SHISA7: variants seen among roughly 807,000 people sequenced by gnomAD.
The protein encoded by SHISA7 is shisa family member 7, also known as protein shisa-7.
A neutral mutation model predicts 23.9 loss-of-function variants in SHISA7; 6 were observed. That is an observed-to-expected ratio of 0.25 (90% CI 0.14 to 0.50). SHISA7 has a LOEUF of 0.50. SHISA7 is among the 20% of genes least tolerant of loss of function. The probability of loss-of-function intolerance (pLI) is 0.98; values close to 1 mark genes in which losing one functional copy is unlikely to be tolerated. For missense variants in SHISA7, 671 were observed against 801.1 expected, an observed-to-expected ratio of 0.84 and a Z score of 1.96; for synonymous variants, 386 against 398.3, an observed-to-expected ratio of 0.97 and a Z score of 0.37.
At chr19:55,438,872 C>CT (rs1359969589) in intron 2 of SHISA7, among the ~76,000 whole-genome samples, 2 of 125,230 alleles carry the variant, frequency 1.6e-5, no homozygotes. Context: ...TTCTTAGCAC[C>CT]CCCCCCCCTG....
At chr19:55,436,486 C>T (rs1985463314) in intron 3 of SHISA7, among the ~76,000 whole-genome samples, 2 of 151,646 alleles carry the variant, frequency 1.3e-5, no homozygotes, top group Non-Finnish European at 2.9e-5. Context: ...GCCTGTAATC[C>T]CAGCTACTCA....
rs561285922 is a variant in SHISA7, at chr19:55,432,973, C to T, written c.*183G>A. On this transcript the variant is annotated 3_prime_UTR_variant, in exon 4 of 4. Transcript: ENST00000376325. The surrounding 1 kb of genome is among the most constrained non-coding windows in gnomAD (Gnocchi z 4.6). ...TGACATCATGGGAAGGAGGCCTTGG[C>T]TCAAGCAGTGAAGTAATAGGAGGAG... The T allele has an allele frequency of 2.7e-6, 2 of 748,804 alleles. No individual in the cohort carries two copies. The highest frequency in any genetic ancestry group is 6.8e-5 in the East Asian group (2 of 29,366). The allele number at this position is 748,804 out of a possible 1,614,324, so 46.4% of individuals were successfully genotyped here.
intron 3 of SHISA7, among the ~76,000 whole-genome samples, chr19:55,434,970 G>T (rs893761971): frequency 1.9e-5 from 2 of 103,518 alleles, no homozygotes; most frequent in African/African-American, 7.5e-5. Context: ...GGTGTGTGTG[G>T]TGTGTGTGGA....
In SHISA7 at chr19:55,434,746, G is replaced by GGT. The variant is rs571748701; in HGVS notation, c.977-952_977-951dup. Among the ~76,000 whole-genome samples, 221 of 110,440 alleles carry GGT rather than the reference G, an allele frequency of 2.0e-3. 2 individuals carry two copies. The highest frequency in any genetic ancestry group is 0.013 in the East Asian group (42 of 3,324). The allele number at this position is 110,440 out of a possible 152,430, so 72.5% of individuals were successfully genotyped here. A position where few individuals can be genotyped will look rare whatever the true frequency, so the allele number is the denominator to read the frequency against. On this transcript the variant is annotated intron_variant, in intron 3 of 3. Coordinates refer to ENST00000376325, the MANE Select transcript of SHISA7 (RefSeq NM_001145176.2). Reference sequence around the variant, plus strand: ...TGTGTGGTGTGTGTGGTGTATATGTGGTGTGTGTGGTGTGTGTGGTGTGTG... The same window carrying GGT: ...TGTGTGGTGTGTGTGGTGTATATGTGGTGTGTGTGTGGTGTGTGTGGTGTGTG...
In SHISA7 at chr19:55,433,599, C is replaced by A; in HGVS notation, c.1174G>T (p.Asp392Tyr). ...RVMSQEHLLG[D>Y]GGRSRYEFTL... ...AACTCGTAGCGCGAACGGCCACCAT[C>A]GCCCAGCAGGTGCTCCTGGGACATG... The change falls in exon 4 of 4, where the codon GAT becomes TAT. Residue 392 changes from aspartate (D) to tyrosine (Y), a missense_variant. By Grantham distance (160) the Asp-to-Tyr change is radical. Coordinates refer to ENST00000376325, the MANE Select transcript of SHISA7 (RefSeq NM_001145176.2). This position sits in a 1 kb window ranked among gnomAD's most constrained non-coding sequence, Gnocchi z 8.4. 6.7e-7 allele frequency: 1 copy of A among 1,498,066 alleles called. No homozygotes were observed. Among genetic ancestry groups the A allele is most frequent in the Non-Finnish European group, 8.8e-7 (1 of 1,130,048 alleles). The allele number at this position is 1,498,066 out of a possible 1,614,324, so 92.8% of individuals were successfully genotyped here.
At chr19:55,434,550 GTA>G (rs1985329858) in intron 3 of SHISA7, among the ~76,000 whole-genome samples, 1 of 125,802 alleles carries the variant, frequency 7.9e-6, no homozygotes, top group Non-Finnish European at 1.7e-5. Context: ...GGTTGTGTGT[GTA>G]TGGTGTGTGT....
At chr19:55,440,081 CTG>C (rs1985561015) in intron 2 of SHISA7, among the ~76,000 whole-genome samples, 1 of 151,692 alleles carries the variant, frequency 6.6e-6, no homozygotes, top group African/African-American at 2.4e-5. Flanking sequence ...GTATTTTTTT[CTG>C]TGTTACACAT....
In SHISA7 at chr19:55,437,886, G is replaced by T. The variant is rs1195561868; in HGVS notation, c.827-132C>A. The stretch of plus-strand genomic sequence containing the variant: ...CCCCTCTTCCTTCAGACCCAGGAGT[G>T]CAGGCCCCCAGCCCCTCCACCTCAG... On this transcript the variant is annotated intron_variant, in intron 2 of 3. Coordinates refer to ENST00000376325, the MANE Select transcript of SHISA7 (RefSeq NM_001145176.2). 69 of 1,121,974 alleles carry T rather than the reference G, an allele frequency of 6.1e-5. 1 individual carries two copies. In the Admixed American group the frequency reaches 2.1e-3, roughly 34 times the overall value. The allele number at this position is 1,121,974 out of a possible 1,614,324, so 69.5% of individuals were successfully genotyped here. A position where few individuals can be genotyped will look rare whatever the true frequency, so the allele number is the denominator to read the frequency against.
At position 55,429,784 on chromosome 19, in the gene SHISA7, G is replaced by T. The variant is rs542773193; in HGVS notation, c.*3372C>A. 6.6e-6 allele frequency: 1 copy of T among 151,516 alleles called. No homozygotes were observed. Among genetic ancestry groups the T allele is most frequent in the South Asian group, 2.1e-4 (1 of 4,740 alleles). 9.4% of individuals were successfully genotyped at this position (151,516 alleles called of 1,614,324 possible). A position where few individuals can be genotyped will look rare whatever the true frequency, so the allele number is the denominator to read the frequency against. Reference sequence around the variant, plus strand: ...CCTGCCACCCCCGGAGGCTCCCCGGGTGTTAAGGTGTTAGGGAGGGAGGTG... The same window carrying T: ...CCTGCCACCCCCGGAGGCTCCCCGGTTGTTAAGGTGTTAGGGAGGGAGGTG... On this transcript the variant is annotated 3_prime_UTR_variant, in exon 4 of 4. Transcript: ENST00000376325.
chr19:55,442,859 G>A lies in SHISA7; in HGVS notation c.5C>T (p.Pro2Leu), dbSNP rs1310624834. Residue 2 changes from proline to leucine, a missense_variant, in exon 1 of 4, where the codon CCG becomes CTG. Transcript: ENST00000376325. ...CAGGAGTACGAGGAGCAGGAGGGCC[G>A]GCATGGGGCTTGCAGGGGGTCGCAC... MPALLLLVLLAS... is the reference protein window; with the variant it reads MLALLLLVLLAS... 1.5e-6 allele frequency: 2 copies of A among 1,376,516 alleles called. No homozygotes were observed. Among genetic ancestry groups the A allele is most frequent in the Admixed American group, 3.3e-5 (1 of 29,946 alleles). 85.3% of individuals were successfully genotyped at this position (1,376,516 alleles called of 1,614,324 possible).
At position 55,430,888 on chromosome 19, in the gene SHISA7, T is replaced by A. The variant is rs568010013; in HGVS notation, c.*2268A>T. 1 of 145,214 alleles carries A rather than the reference T, an allele frequency of 6.9e-6. No individual in the cohort carries two copies. The highest frequency in any genetic ancestry group is 1.5e-5 in the Non-Finnish European group (1 of 66,600). The allele number at this position is 145,214 out of a possible 1,614,324, so 9.0% of individuals were successfully genotyped here. ...ACTGGACCTCATGGATCCTGGGAGA[T>A]GATGACACCAGGGTTATGGTGGATC... is the stretch of plus-strand genomic sequence containing the variant. On this transcript the variant is annotated 3_prime_UTR_variant, in exon 4 of 4. Coordinates refer to ENST00000376325, the MANE Select transcript of SHISA7 (RefSeq NM_001145176.2).
intron 3 of SHISA7, among the ~76,000 whole-genome samples, chr19:55,434,674 TGTGTG>T (rs1985346467): frequency 8.8e-6 from 1 of 114,072 alleles, no homozygotes; most frequent in African/African-American, 3.8e-5. Flanking sequence ...GTGTGTATGG[TGTGTG>T]GTGTGTGTGT....
In SHISA7 at chr19:55,431,092, A is replaced by G. The variant is rs557494406; in HGVS notation, c.*2064T>C. 6.6e-6 allele frequency: 1 copy of G among 152,350 alleles called. No individual in the cohort carries two copies. Among genetic ancestry groups the G allele is most frequent in the East Asian group, 1.9e-4 (1 of 5,184 alleles). The allele number at this position is 152,350 out of a possible 1,614,324, so 9.4% of individuals were successfully genotyped here. On this transcript the variant is annotated 3_prime_UTR_variant, in exon 4 of 4. Coordinates refer to ENST00000376325, the MANE Select transcript of SHISA7 (RefSeq NM_001145176.2). ...AGCATTGGCTCTCGTGGATCCTGGC[A>G]GGTGATAACACCATAGTTGAAGTGG...
intron 2 of SHISA7, 130 bp from the exon 3 acceptor site, chr19:55,437,884 G>T: frequency 8.6e-7 from 1 of 1,159,468 alleles, no homozygotes; most frequent in Non-Finnish European, 1.2e-6. Flanking sequence ...AGACCCAGGA[G>T]TGCAGGCCCC....
chr19:55,435,589 CAAAAAAAAAA>C (rs1160895563), intron 3 of SHISA7, among the ~76,000 whole-genome samples: 15 of 66,426 alleles, frequency 2.3e-4, no homozygotes, highest in Non-Finnish European at 3.6e-4. Context: ...TCCATCTCTA[CAAAAAAAAAA>C]AAAAAAAAAA....
intron 3 of SHISA7, among the ~76,000 whole-genome samples, chr19:55,434,173 A>G (rs1438326419): frequency 6.6e-6 from 1 of 152,172 alleles, no homozygotes; most frequent in East Asian, 1.9e-4. Flanking sequence ...AATGAAATCA[A>G]ATAGAACAGA....
chr19:55,437,788 G>A (rs973805469), intron 2 of SHISA7, 34 bp from the exon 3 acceptor site: 1 of 1,535,928 alleles, frequency 6.5e-7, no homozygotes, highest in East Asian at 2.5e-5. Context: ...GGGTCAGTCA[G>A]CTTCCTCCCT....
intron 1 of SHISA7, among the ~76,000 whole-genome samples, chr19:55,441,727 C>T (rs1985602238): frequency 6.6e-6 from 1 of 152,220 alleles, no homozygotes; most frequent in African/African-American, 2.4e-5. Flanking sequence ...CAGGACCCTG[C>T]ACGAATCAAC....
intron 2 of SHISA7, among the ~76,000 whole-genome samples, chr19:55,439,249 G>A (rs757388857): frequency 1.3e-5 from 2 of 152,164 alleles, no homozygotes; most frequent in Non-Finnish European, 2.9e-5. Context: ...CTGCCACAGG[G>A]CCTTTGCACA....
Sources: gnomAD v4.1 joint callset for allele counts (sites outside exome capture counted in the v4.1 genomes callset) on GRCh38, gnomAD v4.1.1 for gene constraint, Gnocchi (gnomAD v3.1) non-coding constraint, MANE v1.5 for transcripts, NCBI Gene and HGNC (gene_info 2026-07-23, HGNC 2026-07-21) for gene names.